FAM228B: variants seen among roughly 807,000 people sequenced by gnomAD.
FAM228B encodes the protein protein FAM228B.
In FAM228B, 38 loss-of-function variants were observed where a neutral mutation model predicts 42.6. The ratio of observed to expected loss-of-function variants is 0.89; its 90% CI spans 0.69 to 1.17. FAM228B has a LOEUF of 1.17. FAM228B is among the 50% of genes most tolerant of loss of function. The pLI is 0.00. For synonymous variants in FAM228B, 109 were observed against 122.3 expected (o/e 0.89, Z 0.72); for missense variants, 344 against 367.3 (o/e 0.94, Z 0.52).
At position 24,169,214 on chromosome 2, in the gene FAM228B, C is replaced by A; in HGVS notation, c.*15-142C>A. On this transcript the variant is annotated intron_variant, in intron 10 of 10. Coordinates refer to ENST00000615575, the MANE Select transcript of FAM228B (RefSeq NM_001145710.2). The surrounding 1 kb of genome is among the most constrained non-coding windows in gnomAD (Gnocchi z 4.2). ...GAGGCAGGAGGCCTAGGTGGAGACC[C>A]TGCCTGAGAGATGAGTCACTCGGCT... The A allele has an allele frequency of 3.2e-6, 1 of 316,346 alleles. No homozygotes were observed. Among genetic ancestry groups the A allele is most frequent in the East Asian group, 7.7e-5 (1 of 13,048 alleles). 19.6% of individuals were successfully genotyped at this position (316,346 alleles called of 1,614,324 possible). A position where few individuals can be genotyped will look rare whatever the true frequency, so the allele number is the denominator to read the frequency against.
chr2:24,120,503 A>G (rs1666074291), upstream of FAM228B, among the ~76,000 whole-genome samples: 1 of 152,172 alleles, frequency 6.6e-6, no homozygotes, highest in Admixed American at 6.5e-5. Flanking sequence ...AGGGCATCCA[A>G]TGAATGATTT....
intron 9 of FAM228B, 53 bp from the exon 10 acceptor site, chr2:24,167,574 A>G (rs1472702373): frequency 6.5e-7 from 1 of 1,549,976 alleles, no homozygotes; most frequent in African/African-American, 1.4e-5. Context: ...TTCAGTAACT[A>G]ATATGGCCAG....
chr2:24,143,257 T>A (rs1666799571), intron 5 of FAM228B, among the ~76,000 whole-genome samples: 1 of 152,152 alleles, frequency 6.6e-6, no homozygotes, highest in Admixed American at 6.6e-5. Flanking sequence ...CTCGGCTCAC[T>A]GCAACCTCCG....
At chr2:24,167,579 G>C in intron 9 of FAM228B, 48 bp from the exon 10 acceptor site, 1 of 1,550,328 alleles carries the variant, frequency 6.5e-7, no homozygotes, top group Non-Finnish European at 8.7e-7. Flanking sequence ...TAACTAATAT[G>C]GCCAGTCTCG....
At chr2:24,076,940 TGAG>T (rs1664776321) in exon 1 of FAM228B, 1 of 107,838 alleles carries the variant, frequency 9.3e-6, no homozygotes, top group Admixed American at 1.0e-4. Context: ...AGGCGGGGCC[TGAG>T]GAGGACTGAG....
Position 24,084,375 on chromosome 2 carries a change from G to GGACAGGA in FAM228B, c.-210+3420_-210+3421insGACAGGA, listed in dbSNP as rs1553325135. 13 of 1,385,670 alleles carry GGACAGGA rather than the reference G, an allele frequency of 9.4e-6. No individual in the cohort carries two copies. In the African/African-American group the frequency reaches 1.7e-4, roughly 18 times the overall value. The allele number at this position is 1,385,670 out of a possible 1,614,324, so 85.8% of individuals were successfully genotyped here. ...GCAGGGCAGGACAGGACAGGGCAGG[G>GGACAGGA]CAGGGCAGGACAGGACAGGGCAGGG... On this transcript the variant is annotated intron_variant, in intron 2 of 10. Coordinates refer to the FAM228B transcript ENST00000613899. The surrounding 1 kb of genome is among the most constrained non-coding windows in gnomAD (Gnocchi z 8.4).
In FAM228B at chr2:24,113,156, C is replaced by T. The variant is rs529489217; in HGVS notation, c.-121+17927C>T. Among the ~76,000 whole-genome samples, 5 of 152,112 alleles carry T rather than the reference C, an allele frequency of 3.3e-5. No individual in the cohort carries two copies. The South Asian group carries it at 1.0e-3, about 32-fold the overall frequency. On this transcript the variant is annotated intron_variant, in intron 3 of 10. Coordinates refer to the FAM228B transcript ENST00000613899. The stretch of plus-strand genomic sequence containing the variant: ...TGTATCATTACTACCTAGCACAAAG[C>T]CGACTATGTGCTAGGTAGTGGTGAT...
chr2:24,158,761 G>C (rs1206430333), intron 7 of FAM228B, among the ~76,000 whole-genome samples: 1 of 152,182 alleles, frequency 6.6e-6, no homozygotes, highest in East Asian at 1.9e-4. Context: ...TACATTTGGA[G>C]GGCCAGGGAG....
intron 3 of FAM228B, among the ~76,000 whole-genome samples, chr2:24,108,642 C>T (rs1665738232): frequency 6.6e-6 from 1 of 152,142 alleles, no homozygotes; most frequent in South Asian, 2.1e-4. Context: ...TGGCTCATGC[C>T]TGTAATCCCA....
At chr2:24,119,309 G>C (rs1414067258), upstream of FAM228B, among the ~76,000 whole-genome samples, 1 of 152,134 alleles carries the variant, frequency 6.6e-6, no homozygotes, top group Non-Finnish European at 1.5e-5. Context: ...ATATCAGCCA[G>C]GAAAGGAAAC....
At chr2:24,132,489 T>TC (rs1256383256) in intron 2 of FAM228B, among the ~76,000 whole-genome samples, 1 of 148,158 alleles carries the variant, frequency 6.7e-6, no homozygotes, top group Admixed American at 6.7e-5. Flanking sequence ...TTTTTTTTTT[T>TC]TGGTTGATAG....
intron 7 of FAM228B, among the ~76,000 whole-genome samples, chr2:24,152,335 C>T (rs996014214): frequency 6.6e-6 from 1 of 152,144 alleles, no homozygotes; most frequent in African/African-American, 2.4e-5. Context: ...TCCCTAGTGC[C>T]TTGTTCAGTT....
intron 2 of FAM228B, among the ~76,000 whole-genome samples, chr2:24,086,952 A>G (rs2150989743): frequency 6.6e-6 from 1 of 152,336 alleles, no homozygotes; most frequent in African/African-American, 2.4e-5. Context: ...TGATTGGATT[A>G]AGAAAATGGA....
chr2:24,151,613 A>AATC (rs59189357), intron 7 of FAM228B, among the ~76,000 whole-genome samples: 11 of 137,450 alleles, frequency 8.0e-5, no homozygotes, highest in Non-Finnish European at 1.7e-4. Flanking sequence ...TTTTTTGGTG[A>AATC]TTTTTTTTTT....
chr2:24,129,002 A>T (rs1666382266), intron 2 of FAM228B, among the ~76,000 whole-genome samples: 1 of 152,088 alleles, frequency 6.6e-6, no homozygotes, highest in African/African-American at 2.4e-5. Context: ...TGATTCCCTA[A>T]TTCTTGCAGG....
intron 2 of FAM228B, among the ~76,000 whole-genome samples, chr2:24,091,858 T>C (rs575417782): frequency 6.6e-6 from 1 of 152,202 alleles, no homozygotes; most frequent in African/African-American, 2.4e-5. Context: ...ATGCCAACAG[T>C]ATATTTTTTG....
At chr2:24,108,469 A>C (rs1046612296) in intron 3 of FAM228B, among the ~76,000 whole-genome samples, 7 of 152,306 alleles carry the variant, frequency 4.6e-5, no homozygotes, top group Admixed American at 3.9e-4. Flanking sequence ...CTGATACCAA[A>C]ACCTGTCAGA....
At chr2:24,108,592 T>A (rs1220708839) in intron 3 of FAM228B, among the ~76,000 whole-genome samples, 1 of 152,166 alleles carries the variant, frequency 6.6e-6, no homozygotes, top group Non-Finnish European at 1.5e-5. Flanking sequence ...CAACAGCACA[T>A]GCAAAGTTGG....
intron 7 of FAM228B, among the ~76,000 whole-genome samples, chr2:24,151,630 A>G (rs966981214): frequency 5.8e-5 from 3 of 52,074 alleles, no homozygotes; most frequent in Non-Finnish European, 8.9e-5. Context: ...TTTTTTTTTT[A>G]GCTCATTAGC....
Sources: allele counts gnomAD v4.1 joint callset (sites outside exome capture counted in the v4.1 genomes callset), GRCh38; gene constraint gnomAD v4.1.1; non-coding constraint Gnocchi (gnomAD v3.1); transcripts MANE v1.5; gene names NCBI Gene and HGNC (gene_info 2026-07-23, HGNC 2026-07-21).